SKIC8: variants seen among roughly 807,000 people sequenced by gnomAD.
The protein encoded by SKIC8 is SKI8 subunit of superkiller complex, also known as superkiller complex protein 8.
the SKIC8 span, chr15:78,286,118 C>CATTT: frequency 1.9e-6 from 3 of 1,612,562 alleles, no homozygotes; most frequent in Non-Finnish European, 2.5e-6. Flanking sequence ...GCGTGCCAGC[C>CATTT]AAATTGGCAT....
At chr15:78,295,744 G>A in the SKIC8 span, 1 of 1,511,382 alleles carries the variant, frequency 6.6e-7, no homozygotes, top group African/African-American at 1.4e-5. Flanking sequence ...ACAACACCAG[G>A]ATTTCAGTGA....
chr15:78,285,443 A>C, the SKIC8 span: 7 of 935,950 alleles, frequency 7.5e-6, no homozygotes, highest in Non-Finnish European at 1.2e-5. Flanking sequence ...CCCCAACCCC[A>C]TGCCTCGGTA....
At chr15:78,287,666 C>T in the SKIC8 span, among the ~76,000 whole-genome samples, 1 of 152,140 alleles carries the variant, frequency 6.6e-6, no homozygotes, top group South Asian at 2.1e-4. Flanking sequence ...AGATCCAACA[C>T]ATTACAGGGG....
the SKIC8 span, chr15:78,293,279 T>C: frequency 3.1e-6 from 5 of 1,613,378 alleles, no homozygotes; most frequent in South Asian, 1.1e-5. Flanking sequence ...TGGGCTAGAA[T>C]GGAAAGTGCT....
the SKIC8 span, chr15:78,286,486 T>C: frequency 4.9e-5 from 10 of 202,266 alleles, no homozygotes; most frequent in Non-Finnish European, 8.1e-5. Context: ...AAGGAAGCCA[T>C]CTGAGGAGAA....
At chr15:78,289,413 AAAACAAAC>A in the SKIC8 span, among the ~76,000 whole-genome samples, 7 of 151,962 alleles carry the variant, frequency 4.6e-5, no homozygotes, top group South Asian at 1.2e-3. Flanking sequence ...TCTCTAAAAG[AAAACAAAC>A]AAACAAACAA....
chr15:78,287,432 G>A, the SKIC8 span, among the ~76,000 whole-genome samples: 1 of 152,234 alleles, frequency 6.6e-6, no homozygotes, highest in Non-Finnish European at 1.5e-5. Flanking sequence ...TTTCTACTGT[G>A]AGGTTTAAAC....
At chr15:78,292,259 C>T in the SKIC8 span, 63 of 265,130 alleles carry the variant, frequency 2.4e-4, 1 homozygote, top group Non-Finnish European at 3.5e-4. Flanking sequence ...TACAGGTCAA[C>T]GCCAAACCAG....
the SKIC8 span, chr15:78,294,762 TCAGG>T: frequency 1.8e-6 from 1 of 560,008 alleles, no homozygotes. Flanking sequence ...AGCTGGTTGT[TCAGG>T]TTTTTGTTGT....
chr15:78,283,726 A>G, the SKIC8 span: 1 of 399,292 alleles, frequency 2.5e-6, no homozygotes, highest in Non-Finnish European at 4.3e-6. Flanking sequence ...CCCTTCCCAT[A>G]CTCCAAAAAA....
chr15:78,296,579 T>G, the SKIC8 span, among the ~76,000 whole-genome samples: 1 of 66 alleles, frequency 0.015, no homozygotes, highest in African/African-American at 0.042. Context: ...GGCACAATCA[T>G]GGTCAATGCA....
the SKIC8 span, chr15:78,295,506 C>A: frequency 2.8e-6 from 2 of 715,456 alleles, no homozygotes; most frequent in Non-Finnish European, 4.9e-6. Context: ...ATTTGCATTT[C>A]ACTAGTCCCA....
the SKIC8 span, chr15:78,283,563 CT>C: frequency 4.5e-5 from 64 of 1,415,540 alleles, no homozygotes; most frequent in Non-Finnish European, 5.9e-5. Context: ...TGCCTTTATT[CT>C]TTATAATATT....
chr15:78,285,605 G>A, the SKIC8 span: 1 of 541,176 alleles, frequency 1.8e-6, no homozygotes. Context: ...AGGGAGGCCT[G>A]TTAAAGCTTC....
At chr15:78,291,975 T>C in the SKIC8 span, 1 of 152,570 alleles carries the variant, frequency 6.6e-6, no homozygotes, top group African/African-American at 2.4e-5. Context: ...AGTCAGCCTA[T>C]GACATCATTA....
the SKIC8 span, chr15:78,283,372 A>C: frequency 7.3e-7 from 1 of 1,369,556 alleles, no homozygotes; most frequent in Non-Finnish European, 1.0e-6. Flanking sequence ...TAAGAAGGTA[A>C]GGAATGTCAT....
the SKIC8 span, chr15:78,299,562 C>G: frequency 6.6e-6 from 1 of 152,540 alleles, no homozygotes; most frequent in Non-Finnish European, 1.5e-5. Context: ...TCCAACTCAC[C>G]ACTGCACTGC....
At chr15:78,294,588 C>G in the SKIC8 span, 151 of 239,742 alleles carry the variant, frequency 6.3e-4, 2 homozygotes, top group African/African-American at 3.3e-3. Context: ...AAAAGGCTCA[C>G]GTTCACCTCC....
chr15:78,294,043 A>G, the SKIC8 span, among the ~76,000 whole-genome samples: 10 of 152,364 alleles, frequency 6.6e-5, no homozygotes, highest in African/African-American at 2.4e-4. Context: ...AAATATGAAT[A>G]TAAAGGCATT....
Sources: gnomAD v4.1 joint callset for allele counts (sites outside exome capture counted in the v4.1 genomes callset) on GRCh38, gnomAD v4.1.1 for gene constraint, MANE v1.5 for transcripts, NCBI Gene and HGNC (gene_info 2026-07-23, HGNC 2026-07-21) for gene names.